The following SBF2 variants were observed in gnomAD, a reference collection of about 807,000 sequenced individuals.
SBF2 encodes the protein myotubularin-related protein 13.
SBF2 carries 112 observed loss-of-function variants against 225.2 expected under a neutral mutation model. The observed-to-expected ratio is 0.50, with a 90% confidence interval of 0.43 to 0.58. The LOEUF is 0.58. Among genes scored for constraint, SBF2 ranks in the 20% least tolerant of loss-of-function variants. SBF2 has a pLI of 0.00. For synonymous variants in SBF2, 763 were observed against 773.3 expected (o/e 0.99, Z 0.22); for missense variants, 1,996 against 2,206.2 (o/e 0.90, Z 1.91).
intron 13 of SBF2, among the ~76,000 whole-genome samples, chr11:9,970,275 C>T (rs954383474): frequency 6.6e-6 from 1 of 151,492 alleles, no homozygotes; most frequent in Non-Finnish European, 1.5e-5. Flanking sequence ...GGCGTGATCT[C>T]GGCTCACTGC....
At chr11:10,221,832 G>A (rs1228713467) in intron 1 of SBF2, among the ~76,000 whole-genome samples, 1 of 152,156 alleles carries the variant, frequency 6.6e-6, no homozygotes, top group Non-Finnish European at 1.5e-5. Context: ...TGGCCTGAGG[G>A]CAGATCCAGT....
At chr11:9,808,284 AT>A in intron 31 of SBF2, 99 bp from the exon 32 acceptor site, 1 of 1,036,936 alleles carries the variant, frequency 9.6e-7, no homozygotes, top group Non-Finnish European at 1.5e-6. Context: ...TAATTCACAA[AT>A]TTACCTGGAC....
intron 1 of SBF2, among the ~76,000 whole-genome samples, chr11:10,232,672 GC>G (rs35076039): frequency 0.011 from 1,614 of 150,706 alleles, 33 homozygotes; most frequent in African/African-American, 0.037. Flanking sequence ...CAACCAATCC[GC>G]CTGTCTCAGC....
chr11:10,025,056 T>C (rs1949000422), intron 6 of SBF2, among the ~76,000 whole-genome samples: 1 of 152,214 alleles, frequency 6.6e-6, no homozygotes, highest in African/African-American at 2.4e-5. Context: ...GGTTCTTTCA[T>C]ATTGTCTATG....
At chr11:9,996,168 A>G (rs943319346) in intron 9 of SBF2, among the ~76,000 whole-genome samples, 2 of 152,150 alleles carry the variant, frequency 1.3e-5, no homozygotes, top group African/African-American at 4.8e-5. Flanking sequence ...TACAATCTTA[A>G]TCTTTGTTAA....
intron 16 of SBF2, among the ~76,000 whole-genome samples, chr11:9,911,030 G>A (rs1325782727): frequency 6.7e-6 from 1 of 150,062 alleles, no homozygotes; most frequent in Admixed American, 6.7e-5. Flanking sequence ...CTGCACTCCA[G>A]CCTGGTGACA....
intron 1 of SBF2, among the ~76,000 whole-genome samples, chr11:10,288,031 C>G (rs545938336): frequency 6.6e-6 from 1 of 152,184 alleles, no homozygotes; most frequent in Non-Finnish European, 1.5e-5. Context: ...ACAGCTTCCC[C>G]GGCCGGCACC....
At chr11:9,918,914 A>AT (rs892359798) in intron 16 of SBF2, among the ~76,000 whole-genome samples, 17 of 148,238 alleles carry the variant, frequency 1.1e-4, no homozygotes, top group South Asian at 2.2e-4. Context: ...AATTTTTTCT[A>AT]TTTTTTTTTA....
At chr11:9,875,628 T>A (rs1288115645) in intron 17 of SBF2, among the ~76,000 whole-genome samples, 1 of 151,874 alleles carries the variant, frequency 6.6e-6, no homozygotes, top group Non-Finnish European at 1.5e-5. Context: ...GCCAGTGAAG[T>A]GGAAAAAAGG....
At chr11:9,785,968 G>C (rs1040782843) in intron 36 of SBF2, among the ~76,000 whole-genome samples, 1 of 152,056 alleles carries the variant, frequency 6.6e-6, no homozygotes, top group Non-Finnish European at 1.5e-5. Context: ...CTGGGTTCAA[G>C]TGATTCTCCT....
chr11:10,223,422 T>TGA (rs1352972615), intron 1 of SBF2, among the ~76,000 whole-genome samples: 1 of 118,210 alleles, frequency 8.5e-6, no homozygotes, highest in African/African-American at 2.8e-5. Context: ...TATATATATA[T>TGA]ATATATATAT....
chr11:10,205,993 T>C (rs775060575), intron 1 of SBF2, among the ~76,000 whole-genome samples: 1 of 151,854 alleles, frequency 6.6e-6, no homozygotes, highest in Non-Finnish European at 1.5e-5. Context: ...GAGACTCCAC[T>C]GTAACAAGCA....
chr11:10,285,536 T>C (rs1963699511), intron 1 of SBF2, among the ~76,000 whole-genome samples: 1 of 152,232 alleles, frequency 6.6e-6, no homozygotes, highest in South Asian at 2.1e-4. Context: ...TCCCTTCAGC[T>C]ATGTCAGGAA....
At chr11:10,185,830 G>C (rs528074291) in intron 2 of SBF2, among the ~76,000 whole-genome samples, 1 of 152,144 alleles carries the variant, frequency 6.6e-6, no homozygotes, top group South Asian at 2.1e-4. Flanking sequence ...TGGTCATTTA[G>C]ATAGTTTCCA....
chr11:10,206,523 C>A (rs1380117604), intron 1 of SBF2, among the ~76,000 whole-genome samples: 1 of 151,668 alleles, frequency 6.6e-6, no homozygotes, highest in East Asian at 1.9e-4. Flanking sequence ...TTAACTGATG[C>A]CAACACAGAC....
At chr11:9,822,168 T>G (rs1854790654) in intron 28 of SBF2, among the ~76,000 whole-genome samples, 5 of 152,150 alleles carry the variant, frequency 3.3e-5, no homozygotes. Flanking sequence ...TTTTTAAAGA[T>G]GAAGACACTG....
intron 2 of SBF2, among the ~76,000 whole-genome samples, chr11:10,078,835 G>C (rs1169295616): frequency 6.6e-6 from 1 of 152,128 alleles, no homozygotes; most frequent in East Asian, 1.9e-4. Context: ...CAAGCTCTGT[G>C]TGACCTCTAC....
chr11:9,815,281 TA>T (rs35464212), intron 29 of SBF2, among the ~76,000 whole-genome samples: 7,503 of 42,906 alleles, frequency 0.17, 420 homozygotes, highest in Non-Finnish European at 0.21. Flanking sequence ...CTACTAAAAC[TA>T]AAAAAAAAAA....
intron 12 of SBF2, among the ~76,000 whole-genome samples, chr11:9,992,148 T>G (rs1947467382): frequency 1.3e-5 from 2 of 152,122 alleles, no homozygotes; most frequent in South Asian, 4.1e-4. Context: ...TTTAGTGCAC[T>G]CATCACCTGA....
Sources: gnomAD v4.1 joint callset for allele counts (sites outside exome capture counted in the v4.1 genomes callset) on GRCh38, gnomAD v4.1.1 for gene constraint, MANE v1.5 for transcripts, NCBI Gene and HGNC (gene_info 2026-07-23, HGNC 2026-07-21) for gene names.